Variants in COLEC11 observed in about 807,000 individuals in gnomAD.
COLEC11 encodes collectin-11.
In COLEC11, 20 loss-of-function variants were observed where a neutral mutation model predicts 27.3. The ratio of observed to expected loss-of-function variants is 0.73; its 90% CI spans 0.51 to 1.06. The LOEUF is 1.06. Ranked by LOEUF, COLEC11 falls within the 50% of genes least tolerant of loss-of-function variation. COLEC11 has a pLI of 0.00. For synonymous variants in COLEC11, 163 were observed against 154.7 expected, an observed-to-expected ratio of 1.05 and a Z score of -0.40; for missense variants, 310 against 383.0, an observed-to-expected ratio of 0.81 and a Z score of 1.59.
chr2:3,636,606 C>G (rs777666539), intron 3 of COLEC11, among the ~76,000 whole-genome samples: 12 of 152,338 alleles, frequency 7.9e-5, no homozygotes, highest in Middle Eastern at 3.4e-3. Flanking sequence ...AAAAGAATTG[C>G]TGAGTTAAAT....
intron 1 of COLEC11, chr2:3,603,726 C>G: frequency 2.0e-6 from 3 of 1,493,894 alleles, no homozygotes; most frequent in East Asian, 2.5e-5. Context: ...CCTATGGGCT[C>G]GGCCCCCACC....
At chr2:3,631,454 G>A (rs1055780623) in intron 3 of COLEC11, among the ~76,000 whole-genome samples, 5 of 152,166 alleles carry the variant, frequency 3.3e-5, no homozygotes, top group Admixed American at 6.5e-5. Context: ...GGTGGAGGGA[G>A]TGTTTCTCCA....
intron 3 of COLEC11, among the ~76,000 whole-genome samples, chr2:3,622,644 T>C (rs528288387): frequency 3.3e-4 from 51 of 152,292 alleles, no homozygotes; most frequent in African/African-American, 1.2e-3. Context: ...GTGGGTTAGT[T>C]ATCATGAGAG....
intron 3 of COLEC11, among the ~76,000 whole-genome samples, chr2:3,630,642 A>T (rs1457940106): frequency 2.0e-5 from 3 of 152,240 alleles, no homozygotes; most frequent in Non-Finnish European, 4.4e-5. Context: ...TCCTTGTTTT[A>T]TAAGGAGAAT....
At chr2:3,637,738 A>G (rs114511913) in intron 4 of COLEC11, 134 bp downstream of exon 4, 11,007 of 794,152 alleles carry the variant, frequency 0.014, 288 homozygotes, top group African/African-American at 0.063. Flanking sequence ...TAGATAAGAA[A>G]TCTACTGCAG....
chr2:3,639,698 G>C (rs1460333538), intron 4 of COLEC11, among the ~76,000 whole-genome samples: 2 of 152,240 alleles, frequency 1.3e-5, no homozygotes, highest in African/African-American at 2.4e-5. Context: ...GGAGAACTGA[G>C]GGGCAGGGTG....
chr2:3,643,108 TG>T (rs1204722841), intron 5 of COLEC11, among the ~76,000 whole-genome samples: 2 of 152,212 alleles, frequency 1.3e-5, no homozygotes, highest in Non-Finnish European at 2.9e-5. Context: ...CTTCCTCAGA[TG>T]TTCTAGCTTT....
At chr2:3,612,988 G>C (rs908871642) in intron 2 of COLEC11, among the ~76,000 whole-genome samples, 1 of 146,032 alleles carries the variant, frequency 6.8e-6, no homozygotes, top group Non-Finnish European at 1.5e-5. Flanking sequence ...TTGGTGTTAG[G>C]GTTGGGGAGA....
chr2:3,638,327 G>C (rs1487834008), intron 4 of COLEC11, among the ~76,000 whole-genome samples: 5 of 152,198 alleles, frequency 3.3e-5, no homozygotes, highest in African/African-American at 1.2e-4. Context: ...GGCTCTGGGG[G>C]ACGAAGTCGG....
At chr2:3,629,546 A>G (rs1160031152) in intron 3 of COLEC11, among the ~76,000 whole-genome samples, 2 of 152,278 alleles carry the variant, frequency 1.3e-5, no homozygotes. Flanking sequence ...GTATGGATAC[A>G]TACCTATATG....
At position 3,602,869 on chromosome 2, in the gene COLEC11, G is replaced by A. The variant is rs148956026; in HGVS notation, c.-26-1446G>A. Among the ~76,000 whole-genome samples, 43 of 152,266 alleles carry A rather than the reference G, an allele frequency of 2.8e-4. No individual in the cohort carries two copies. The highest frequency in any genetic ancestry group is 9.6e-4 in the African/African-American group (40 of 41,568). ...CATCCTGAACAGCAGCATGTGTCCCGGCCACTGGACTCTGCCTCACTCTTC... is the reference window on the plus strand; with the variant it reads ...CATCCTGAACAGCAGCATGTGTCCCAGCCACTGGACTCTGCCTCACTCTTC... On this transcript the variant is annotated intron_variant, in intron 1 of 6. Coordinates refer to ENST00000349077, the MANE Select transcript of COLEC11 (RefSeq NM_024027.5). This position sits in a 1 kb window ranked among gnomAD's most constrained non-coding sequence, Gnocchi z 6.2.
intron 3 of COLEC11, among the ~76,000 whole-genome samples, chr2:3,615,167 C>G (rs1572416232): frequency 1.3e-5 from 2 of 150,728 alleles, no homozygotes; most frequent in Non-Finnish European, 2.9e-5. Flanking sequence ...TTATTGATCA[C>G]TCTTGGGTAT....
chr2:3,625,423 G>A (rs1415282984), intron 3 of COLEC11, among the ~76,000 whole-genome samples: 5 of 152,020 alleles, frequency 3.3e-5, no homozygotes, highest in African/African-American at 4.8e-5. Context: ...CCAGGGCGGG[G>A]GTTAGGGAAG....
At chr2:3,630,693 C>T (rs930356268) in intron 3 of COLEC11, among the ~76,000 whole-genome samples, 1 of 152,184 alleles carries the variant, frequency 6.6e-6, no homozygotes, top group Non-Finnish European at 1.5e-5. Context: ...TCTGGTGAAG[C>T]TTCCTGGGCA....
chr2:3,640,164 A>G (rs1665742243), intron 4 of COLEC11, 114 bp from the exon 5 acceptor site: 2 of 739,930 alleles, frequency 2.7e-6, no homozygotes, highest in Non-Finnish European at 4.9e-6. Flanking sequence ...TTGTAGCAAC[A>G]AGAGGGCCTG....
rs1054350763 is a variant in COLEC11, at chr2:3,617,643, C to T, written c.202+4261C>T. 2.5e-5 allele frequency: 40 copies of T among 1,611,818 alleles called. No individual in the cohort carries two copies. The African/African-American group carries it at 2.7e-4, about 11-fold the overall frequency. The stretch of plus-strand genomic sequence containing the variant: ...TCTGTCTTCTTCAGTTTCGACTTAT[C>T]GAATTTCTCGATCTCAGCCATATCG... On this transcript the variant is annotated intron_variant, in intron 3 of 6. Transcript: ENST00000349077.
intron 5 of COLEC11, among the ~76,000 whole-genome samples, chr2:3,642,032 G>T (rs568936425): frequency 6.6e-6 from 1 of 152,366 alleles, no homozygotes; most frequent in East Asian, 1.9e-4. Context: ...GTTAGGGTCC[G>T]TCCAGGGACT....
intron 3 of COLEC11, among the ~76,000 whole-genome samples, chr2:3,621,410 G>A (rs1005932200): frequency 6.6e-6 from 1 of 152,130 alleles, no homozygotes; most frequent in Non-Finnish European, 1.5e-5. Flanking sequence ...TTTAGTCTAT[G>A]TGTGATCTTA....
intron 6 of COLEC11, 77 bp downstream of exon 6, chr2:3,643,616 C>T (rs916089448): frequency 2.8e-5 from 45 of 1,593,134 alleles, no homozygotes; most frequent in African/African-American, 1.5e-4. Context: ...AGGGCTCTGC[C>T]GTGCCCACGC....
Sources: allele counts gnomAD v4.1 joint callset (sites outside exome capture counted in the v4.1 genomes callset), GRCh38; gene constraint gnomAD v4.1.1; non-coding constraint Gnocchi (gnomAD v3.1); transcripts MANE v1.5; gene names NCBI Gene and HGNC (gene_info 2026-07-23, HGNC 2026-07-21).